Variants in BRINP3 observed in about 807,000 individuals in gnomAD.
BRINP3 encodes BMP/retinoic acid-inducible neural-specific protein 3.
Under a neutral mutation model 71.0 loss-of-function variants are expected in BRINP3, and 19 were observed. The ratio of observed to expected loss-of-function variants is 0.27; its 90% CI spans 0.19 to 0.39. BRINP3 has a LOEUF of 0.39. Ranked by LOEUF, BRINP3 falls within the 10% of genes least tolerant of loss-of-function variation. The probability of loss-of-function intolerance (pLI) is 1.00; values close to 1 mark genes in which losing one functional copy is unlikely to be tolerated. For missense variants in BRINP3, 959 were observed against 940.8 expected (o/e 1.02, Z -0.25); for synonymous variants, 380 against 337.7 (o/e 1.13, Z -1.37).
At chr1:190,155,330 G>C (rs919868008) in intron 7 of BRINP3, among the ~76,000 whole-genome samples, 4 of 151,978 alleles carry the variant, frequency 2.6e-5, no homozygotes, top group African/African-American at 9.7e-5. Flanking sequence ...TGTGTGTCCT[G>C]ACTCAGAAGA....
intron 1 of BRINP3, among the ~76,000 whole-genome samples, chr1:190,473,827 T>C (rs2102721940): frequency 6.6e-6 from 1 of 151,876 alleles, no homozygotes; most frequent in Non-Finnish European, 1.5e-5. Context: ...AAGATTTTCA[T>C]ACTGGGGTTG....
chr1:190,316,790 C>A (rs998648675), intron 2 of BRINP3, among the ~76,000 whole-genome samples: 8 of 151,984 alleles, frequency 5.3e-5, no homozygotes, highest in African/African-American at 1.9e-4. Flanking sequence ...TTTGAATTCA[C>A]CAATTTAAGC....
At chr1:190,206,567 A>G (rs1472243571) in intron 6 of BRINP3, among the ~76,000 whole-genome samples, 5 of 152,142 alleles carry the variant, frequency 3.3e-5, no homozygotes, top group African/African-American at 1.2e-4. Context: ...ATTGTTCCTC[A>G]CAACTCGATA....
intron 2 of BRINP3, among the ~76,000 whole-genome samples, chr1:190,389,732 T>C (rs1671132119): frequency 1.3e-5 from 2 of 151,808 alleles, no homozygotes; most frequent in African/African-American, 4.8e-5. Flanking sequence ...CAAATGGATA[T>C]TACTATTGGA....
rs889409446 is a variant in BRINP3, at chr1:190,418,664, C to A, written c.236+35991G>T. ...AGATATATATTTTTTATGTGAAAATCTGCAAAACAGAAAAACAACATAGCA... is the reference window on the plus strand; with the variant it reads ...AGATATATATTTTTTATGTGAAAATATGCAAAACAGAAAAACAACATAGCA... On this transcript the variant is annotated intron_variant, in intron 2 of 7. Coordinates refer to ENST00000367462, the MANE Select transcript of BRINP3 (RefSeq NM_199051.3). Among the ~76,000 whole-genome samples, 28 of 152,134 alleles carry A rather than the reference C, an allele frequency of 1.8e-4. No individual in the cohort carries two copies. The South Asian group carries it at 4.8e-3, about 26-fold the overall frequency.
chr1:190,317,609 T>C (rs1665972484), intron 2 of BRINP3, among the ~76,000 whole-genome samples: 1 of 151,742 alleles, frequency 6.6e-6, no homozygotes, highest in Non-Finnish European at 1.5e-5. Flanking sequence ...TTTATTATAA[T>C]AGTTTCCCAG....
chr1:190,189,531 T>C (rs1260373425), intron 6 of BRINP3, among the ~76,000 whole-genome samples: 4 of 152,128 alleles, frequency 2.6e-5, no homozygotes, highest in Admixed American at 6.6e-5. Flanking sequence ...CCTGTTCAAT[T>C]CTGCTGTTGA....
chr1:190,205,957 C>T (rs1655457925), intron 6 of BRINP3, among the ~76,000 whole-genome samples: 1 of 151,650 alleles, frequency 6.6e-6, no homozygotes, highest in Non-Finnish European at 1.5e-5. Flanking sequence ...TATGTTATGA[C>T]AAATTACAAT....
chr1:190,139,716 G>A (rs1160952295), intron 7 of BRINP3, among the ~76,000 whole-genome samples: 1 of 152,080 alleles, frequency 6.6e-6, no homozygotes, highest in Admixed American at 6.6e-5. Flanking sequence ...GATATACAGA[G>A]TTCAGTCAAG....
intron 1 of BRINP3, among the ~76,000 whole-genome samples, chr1:190,464,662 A>G (rs1279306959): frequency 1.3e-5 from 2 of 152,008 alleles, no homozygotes; most frequent in Admixed American, 6.6e-5. Context: ...GATTTCCATT[A>G]TATTAATGTG....
intron 2 of BRINP3, among the ~76,000 whole-genome samples, chr1:190,304,169 C>T (rs1048924781): frequency 6.6e-6 from 1 of 151,744 alleles, no homozygotes; most frequent in Non-Finnish European, 1.5e-5. Flanking sequence ...AAACCAAGAA[C>T]CTAGGCTTAA....
At chr1:190,232,442 G>T (rs933798618) in intron 5 of BRINP3, among the ~76,000 whole-genome samples, 4 of 151,966 alleles carry the variant, frequency 2.6e-5, no homozygotes, top group African/African-American at 7.2e-5. Flanking sequence ...AAGAGTGCAT[G>T]AAATATTGAG....
chr1:190,469,975 C>T (rs947684414), intron 1 of BRINP3, among the ~76,000 whole-genome samples: 1 of 150,910 alleles, frequency 6.6e-6, no homozygotes, highest in Non-Finnish European at 1.5e-5. Flanking sequence ...GCATCTGAAA[C>T]ATTTCAAAGA....
At chr1:190,214,551 A>G (rs1334491711) in intron 6 of BRINP3, among the ~76,000 whole-genome samples, 1 of 151,962 alleles carries the variant, frequency 6.6e-6, no homozygotes, top group Non-Finnish European at 1.5e-5. Flanking sequence ...TGAATTAACT[A>G]TGAGTTGTTT....
At chr1:190,357,227 T>TA (rs1316498244) in intron 2 of BRINP3, among the ~76,000 whole-genome samples, 1 of 152,028 alleles carries the variant, frequency 6.6e-6, no homozygotes, top group African/African-American at 2.4e-5. Context: ...GCATCTTTTT[T>TA]AAAAAGACAT....
intron 7 of BRINP3, among the ~76,000 whole-genome samples, chr1:190,107,703 A>G (rs1047498550): frequency 6.6e-6 from 1 of 152,006 alleles, no homozygotes; most frequent in Admixed American, 6.6e-5. Context: ...ATATTGTTAC[A>G]CTAGAATCCC....
chr1:190,122,778 A>G (rs1432037887), intron 7 of BRINP3, among the ~76,000 whole-genome samples: 1 of 152,180 alleles, frequency 6.6e-6, no homozygotes, highest in Non-Finnish European at 1.5e-5. Context: ...CTTTGAAAGA[A>G]TAAATATCTG....
chr1:190,474,020 G>A (rs1336556790), intron 1 of BRINP3, among the ~76,000 whole-genome samples: 5 of 151,872 alleles, frequency 3.3e-5, no homozygotes, highest in African/African-American at 9.7e-5. Context: ...TTCTTCACCT[G>A]TCCTTTATAT....
At chr1:190,388,352 C>T (rs1483708595) in intron 2 of BRINP3, among the ~76,000 whole-genome samples, 1 of 151,544 alleles carries the variant, frequency 6.6e-6, no homozygotes, top group African/African-American at 2.4e-5. Context: ...TCTGTCAAGC[C>T]CAGTACCTAT....
Sources: gnomAD v4.1 joint callset for allele counts (sites outside exome capture counted in the v4.1 genomes callset) on GRCh38, gnomAD v4.1.1 for gene constraint, MANE v1.5 for transcripts, NCBI Gene and HGNC (gene_info 2026-07-23, HGNC 2026-07-21) for gene names.